Variants in MEIS1 observed in about 807,000 individuals in gnomAD.
MEIS1 encodes Meis homeobox 1.
In MEIS1, 5 loss-of-function variants were observed where a neutral mutation model predicts 50.8. The observed-to-expected ratio is 0.10, with a 90% CI of 0.05 to 0.21. The LOEUF (loss-of-function observed/expected upper bound fraction) is 0.21. Ranked by LOEUF, MEIS1 falls within the 10% of genes least tolerant of loss-of-function variation. MEIS1 has a pLI of 1.00. For missense variants in MEIS1, 318 were observed against 517.3 expected, an observed-to-expected ratio of 0.61 and a Z score of 3.74; for synonymous variants, 176 against 179.3, an observed-to-expected ratio of 0.98 and a Z score of 0.15.
rs1238068574 is a variant in MEIS1, at chr2:66,435,283, C to A, written c.-574C>A. 2 of 153,704 alleles carry A rather than the reference C, an allele frequency of 1.3e-5. No homozygotes were observed. The highest frequency in any genetic ancestry group is 2.9e-5 in the Non-Finnish European group (2 of 69,340). 9.5% of individuals were successfully genotyped at this position (153,704 alleles called of 1,614,324 possible). A position where few individuals can be genotyped will look rare whatever the true frequency, so the allele number is the denominator to read the frequency against. On this transcript the variant is annotated 5_prime_UTR_variant, in exon 1 of 13. Transcript: ENST00000272369. ...TAATCTCCTTCCAGTGCAGCACTTG[C>A]AAAGAGGGAGAGAGAGGGAGAGAAA...
intron 6 of MEIS1, among the ~76,000 whole-genome samples, chr2:66,451,404 T>C (rs916559352): frequency 1.1e-4 from 17 of 152,082 alleles, no homozygotes; most frequent in Admixed American, 3.3e-4. Context: ...AAGTTTATAA[T>C]GAAATTGACA....
chr2:66,438,032 A>G, intron 2 of MEIS1, 69 bp downstream of exon 2: 2 of 1,346,314 alleles, frequency 1.5e-6, no homozygotes, highest in Admixed American at 2.3e-5. Context: ...TGCCCTTGGT[A>G]AGAGGAAAGT....
At chr2:66,533,051 T>C (rs1237277291) in intron 8 of MEIS1, among the ~76,000 whole-genome samples, 1 of 152,164 alleles carries the variant, frequency 6.6e-6, no homozygotes, top group Non-Finnish European at 1.5e-5. Flanking sequence ...TTTCCAAAGG[T>C]TTGTTTTTAA....
At chr2:66,538,950 C>T (rs572974698) in intron 8 of MEIS1, among the ~76,000 whole-genome samples, 5 of 152,082 alleles carry the variant, frequency 3.3e-5, no homozygotes, top group African/African-American at 9.7e-5. Flanking sequence ...TGCAGTGGCG[C>T]GATCTCGGCT....
rs538114819 is a variant in MEIS1, at chr2:66,567,447, T to C, written c.966-6T>C. On this transcript the variant is annotated splice_polypyrimidine_tract_variant and splice_region_variant and intron_variant, in intron 9 of 12. Transcript: ENST00000272369. ...ATAACGATTTGTTTCACTTTCTTGG[T>C]TACAGGTTTATTAATGCCCGGAGAA... The C allele has an allele frequency of 6.2e-7, 1 of 1,613,540 alleles. No homozygotes were observed. Among genetic ancestry groups the C allele is most frequent in the Non-Finnish European group, 8.5e-7 (1 of 1,179,738 alleles).
At chr2:66,461,307 T>A (rs1461724076) in intron 6 of MEIS1, among the ~76,000 whole-genome samples, 1 of 151,954 alleles carries the variant, frequency 6.6e-6, no homozygotes, top group Non-Finnish European at 1.5e-5. Context: ...TTGGGGGGAG[T>A]TCGTTCTGAT....
At chr2:66,557,064 G>C (rs539121668) in intron 9 of MEIS1, among the ~76,000 whole-genome samples, 1 of 152,206 alleles carries the variant, frequency 6.6e-6, no homozygotes, top group East Asian at 1.9e-4. Context: ...AATAACAAAG[G>C]AATATAAGAT....
intron 7 of MEIS1, among the ~76,000 whole-genome samples, chr2:66,505,555 T>C (rs921757214): frequency 2.6e-5 from 4 of 152,188 alleles, no homozygotes; most frequent in African/African-American, 9.7e-5. Context: ...AATGCCGGCC[T>C]GAAGTTTGAG....
At chr2:66,527,636 GTGTGT>G (rs1674287321) in intron 8 of MEIS1, among the ~76,000 whole-genome samples, 1 of 143,514 alleles carries the variant, frequency 7.0e-6, no homozygotes, top group African/African-American at 2.5e-5. Context: ...GTGTGTGTGT[GTGTGT>G]TGGGGGGGAG....
chr2:66,526,221 C>A (rs1363597218), intron 8 of MEIS1, among the ~76,000 whole-genome samples: 2 of 152,190 alleles, frequency 1.3e-5, no homozygotes, highest in African/African-American at 4.8e-5. Flanking sequence ...CATTGCTTAG[C>A]AGGTAAATTC....
At chr2:66,564,672 C>A (rs946611432) in intron 9 of MEIS1, among the ~76,000 whole-genome samples, 1 of 151,520 alleles carries the variant, frequency 6.6e-6, no homozygotes, top group Non-Finnish European at 1.5e-5. Context: ...TTACAGTACC[C>A]CAAGGAGTTG....
chr2:66,521,180 C>T (rs565398659), intron 8 of MEIS1, among the ~76,000 whole-genome samples: 2 of 152,262 alleles, frequency 1.3e-5, no homozygotes, highest in Middle Eastern at 3.4e-3. Flanking sequence ...ATAATTTTTG[C>T]GTTTTTGGAA....
chr2:66,450,737 G>A (rs1340837711), intron 6 of MEIS1, among the ~76,000 whole-genome samples: 1 of 152,070 alleles, frequency 6.6e-6, no homozygotes, highest in Non-Finnish European at 1.5e-5. Flanking sequence ...CAACATTCTA[G>A]TATCAATACC....
chr2:66,435,684 C>G lies in MEIS1; in HGVS notation c.-173C>G. On this transcript the variant is annotated 5_prime_UTR_variant, in exon 1 of 13. Transcript: ENST00000272369. ...GGCGCTTTGCTTCAGGTCCCGTAGACCGAAGATCTGGGACCAGTAGCTCAC... is the reference window on the plus strand; with the variant it reads ...GGCGCTTTGCTTCAGGTCCCGTAGAGCGAAGATCTGGGACCAGTAGCTCAC... The G allele has an allele frequency of 1.8e-6, 1 of 556,650 alleles. No individual in the cohort carries two copies. Among genetic ancestry groups the G allele is most frequent in the Non-Finnish European group, 3.0e-6 (1 of 327,930 alleles). 34.5% of individuals were successfully genotyped at this position (556,650 alleles called of 1,614,324 possible).
At chr2:66,533,276 G>A (rs1210551330) in intron 8 of MEIS1, among the ~76,000 whole-genome samples, 1 of 152,200 alleles carries the variant, frequency 6.6e-6, no homozygotes, top group Non-Finnish European at 1.5e-5. Flanking sequence ...TAAGTCCACT[G>A]AGCCAGAATG....
intron 4 of MEIS1, 179 bp downstream of exon 4, chr2:66,440,791 A>T: frequency 1.7e-6 from 1 of 582,922 alleles, no homozygotes; most frequent in Non-Finnish European, 3.1e-6. Flanking sequence ...CGGGGAAATA[A>T]ATTCATCTCG....
In MEIS1 at chr2:66,571,631, G is replaced by T; in HGVS notation, c.*423G>T. On this transcript the variant is annotated 3_prime_UTR_variant, in exon 13 of 13. Transcript: ENST00000272369. ...TTCTTGGCATCTACTCTGGACCAAG[G>T]AGCATCCCTAATTCTTCATAGGGAC... The T allele has an allele frequency of 7.2e-7, 1 of 1,381,350 alleles. No homozygotes were observed. The highest frequency in any genetic ancestry group is 2.3e-5 in the Admixed American group (1 of 44,166). The allele number at this position is 1,381,350 out of a possible 1,614,324, so 85.6% of individuals were successfully genotyped here.
chr2:66,484,663 A>G (rs571372880), intron 7 of MEIS1, among the ~76,000 whole-genome samples: 6 of 152,152 alleles, frequency 3.9e-5, no homozygotes, highest in East Asian at 1.9e-4. Context: ...GGTTCAAGCA[A>G]TTCTCCTGCC....
At chr2:66,441,678 C>G (rs761940075) in intron 5 of MEIS1, 3 of 516,110 alleles carry the variant, frequency 5.8e-6, no homozygotes, top group Non-Finnish European at 1.0e-5. Context: ...ACGCCCTAGC[C>G]TTGTGTTCAT....
Sources: allele counts gnomAD v4.1 joint callset (sites outside exome capture counted in the v4.1 genomes callset), GRCh38; gene constraint gnomAD v4.1.1; transcripts MANE v1.5; gene names NCBI Gene and HGNC (gene_info 2026-07-23, HGNC 2026-07-21).